Variants in NKAIN2 observed in about 807,000 individuals in gnomAD.
The protein encoded by NKAIN2 is sodium/potassium-transporting ATPase subunit beta-1-interacting protein 2.
A neutral mutation model predicts 32.6 loss-of-function variants in NKAIN2; 14 were observed. The ratio of observed to expected loss-of-function variants is 0.43; its 90% CI spans 0.28 to 0.67. The LOEUF is 0.67. Ranked by LOEUF, NKAIN2 falls within the 30% of genes least tolerant of loss-of-function variation. The pLI, the probability that NKAIN2 is intolerant of heterozygous loss-of-function variation, is 0.17. For synonymous variants in NKAIN2, 80 were observed against 87.2 expected (o/e 0.92, Z 0.46); for missense variants, 198 against 258.3 (o/e 0.77, Z 1.60).
intron 1 of NKAIN2, among the ~76,000 whole-genome samples, chr6:123,929,065 G>C (rs1322824384): frequency 6.6e-6 from 1 of 152,168 alleles, no homozygotes; most frequent in East Asian, 1.9e-4. Context: ...TAGGATTGTG[G>C]TTTCCTTGGG....
At chr6:123,961,033 C>T (rs1368046535) in intron 1 of NKAIN2, among the ~76,000 whole-genome samples, 1 of 152,070 alleles carries the variant, frequency 6.6e-6, no homozygotes, top group East Asian at 1.9e-4. Flanking sequence ...GTATTAAAGG[C>T]AACTACTGTG....
chr6:124,238,886 C>G (rs895223671), intron 1 of NKAIN2, among the ~76,000 whole-genome samples: 2 of 152,126 alleles, frequency 1.3e-5, no homozygotes, highest in Non-Finnish European at 2.9e-5. Context: ...GGCAAAATAA[C>G]CAGCTAGCAT....
chr6:124,408,372 T>C (rs1183887657), intron 3 of NKAIN2, among the ~76,000 whole-genome samples: 3 of 152,212 alleles, frequency 2.0e-5, no homozygotes, highest in African/African-American at 7.2e-5. Flanking sequence ...TTAATTTTTG[T>C]ATGAGGTGTA....
At chr6:124,655,091 G>A (rs1041547858) in intron 3 of NKAIN2, among the ~76,000 whole-genome samples, 3 of 151,914 alleles carry the variant, frequency 2.0e-5, no homozygotes, top group African/African-American at 4.8e-5. Flanking sequence ...ATCAATTAAC[G>A]ATACCATCCA....
chr6:124,702,679 A>G (rs1404027201), intron 4 of NKAIN2, among the ~76,000 whole-genome samples: 2 of 152,004 alleles, frequency 1.3e-5, no homozygotes, highest in Admixed American at 6.6e-5. Context: ...TTCTCCATTA[A>G]ATCATCAATG....
intron 3 of NKAIN2, among the ~76,000 whole-genome samples, chr6:124,601,318 C>T (rs1215172748): frequency 4.6e-5 from 7 of 152,042 alleles, no homozygotes; most frequent in African/African-American, 1.7e-4. Flanking sequence ...TGAACTCAAG[C>T]TCTGATACCT....
intron 2 of NKAIN2, among the ~76,000 whole-genome samples, chr6:124,321,171 G>A (rs1303894393): frequency 6.6e-6 from 1 of 152,092 alleles, no homozygotes; most frequent in Non-Finnish European, 1.5e-5. Flanking sequence ...CTTCCTTTTA[G>A]CACCTTTGCA....
At chr6:124,178,107 T>G (rs960333333) in intron 1 of NKAIN2, among the ~76,000 whole-genome samples, 33 of 152,088 alleles carry the variant, frequency 2.2e-4, no homozygotes, top group South Asian at 4.2e-4. Context: ...TTTTACCATG[T>G]GAAGATGCAG....
intron 1 of NKAIN2, among the ~76,000 whole-genome samples, chr6:124,107,850 T>A (rs1049820907): frequency 1.3e-5 from 2 of 152,166 alleles, no homozygotes; most frequent in Admixed American, 6.6e-5. Flanking sequence ...TGTTGTCACA[T>A]GGATAGGATT....
intron 4 of NKAIN2, among the ~76,000 whole-genome samples, chr6:124,660,259 C>T (rs887637226): frequency 3.3e-5 from 5 of 152,068 alleles, no homozygotes; most frequent in Non-Finnish European, 4.4e-5. Context: ...AGTGAAGATA[C>T]AGTTTATGTG....
intron 3 of NKAIN2, among the ~76,000 whole-genome samples, chr6:124,513,140 A>T (rs1294782933): frequency 2.0e-5 from 3 of 152,156 alleles, no homozygotes; most frequent in Non-Finnish European, 4.4e-5. Context: ...TTTCATCAAC[A>T]ACCAAAATAT....
chr6:123,920,509 T>G (rs1016252874), intron 1 of NKAIN2, among the ~76,000 whole-genome samples: 1 of 152,132 alleles, frequency 6.6e-6, no homozygotes, highest in African/African-American at 2.4e-5. Context: ...CCTTCCATAT[T>G]TTCCATGTGA....
At chr6:124,629,268 G>A (rs927459552) in intron 3 of NKAIN2, among the ~76,000 whole-genome samples, 3 of 152,096 alleles carry the variant, frequency 2.0e-5, no homozygotes, top group African/African-American at 7.2e-5. Context: ...AAGTGAACCA[G>A]GACAGTCCTT....
chr6:124,571,641 C>T (rs1583457340), intron 3 of NKAIN2, among the ~76,000 whole-genome samples: 1 of 152,130 alleles, frequency 6.6e-6, no homozygotes, highest in South Asian at 2.1e-4. Flanking sequence ...GCCCAGTTAA[C>T]CCTCTTTTTC....
At chr6:123,920,619 C>T (rs1216487707) in intron 1 of NKAIN2, among the ~76,000 whole-genome samples, 1 of 151,982 alleles carries the variant, frequency 6.6e-6, no homozygotes, top group Non-Finnish European at 1.5e-5. Flanking sequence ...TTGTTTTGTC[C>T]ACTATATCAC....
chr6:124,390,696 C>T (rs1773103494), intron 3 of NKAIN2: 1 of 152,046 alleles, frequency 6.6e-6, no homozygotes, highest in Admixed American at 6.6e-5. Context: ...TCTTACCTTG[C>T]CCAGAAAATA....
At chr6:124,163,207 GA>G (rs1226320703) in intron 1 of NKAIN2, among the ~76,000 whole-genome samples, 2 of 151,794 alleles carry the variant, frequency 1.3e-5, no homozygotes, top group African/African-American at 4.8e-5. Flanking sequence ...ACAGACAGGT[GA>G]TTTTTTTTTC....
chr6:124,410,405 T>C (rs1430609170), intron 3 of NKAIN2, among the ~76,000 whole-genome samples: 1 of 152,212 alleles, frequency 6.6e-6, no homozygotes, highest in Admixed American at 6.5e-5. Context: ...TTTGTTCTCA[T>C]TGGTTTCAAA....
chr6:123,950,246 T>C (rs1582829566), intron 1 of NKAIN2, among the ~76,000 whole-genome samples: 1 of 151,866 alleles, frequency 6.6e-6, no homozygotes, highest in Non-Finnish European at 1.5e-5. Context: ...TGACCTGTAG[T>C]TTTAATTTGT....
Sources: allele counts gnomAD v4.1 joint callset (sites outside exome capture counted in the v4.1 genomes callset), GRCh38; gene constraint gnomAD v4.1.1; transcripts MANE v1.5; gene names NCBI Gene and HGNC (gene_info 2026-07-23, HGNC 2026-07-21).